The following THADA variants were observed in gnomAD, a reference collection of about 807,000 sequenced individuals.
THADA encodes THADA armadillo repeat containing, also known as tRNA (32-2'-O)-methyltransferase regulator THADA.
A neutral mutation model predicts 219.8 loss-of-function variants in THADA; 213 were observed. That is an observed-to-expected ratio of 0.97 (90% CI 0.87 to 1.09). THADA has a LOEUF of 1.09. Ranked by LOEUF, THADA falls within the 50% of genes least tolerant of loss-of-function variation. THADA has a pLI of 0.00. For synonymous variants in THADA, 1,018 were observed against 828.9 expected, an observed-to-expected ratio of 1.23 and a Z score of -3.92; for missense variants, 2,956 against 2,311.3, an observed-to-expected ratio of 1.28 and a Z score of -5.72.
chr2:43,288,486 A>C (rs1004676776), intron 34 of THADA, among the ~76,000 whole-genome samples: 15 of 152,238 alleles, frequency 9.9e-5, no homozygotes, highest in African/African-American at 3.6e-4. Flanking sequence ...TATTTTTTAG[A>C]AAACTAGATT....
chr2:43,236,661 C>T (rs896012366), intron 36 of THADA, among the ~76,000 whole-genome samples: 2 of 151,918 alleles, frequency 1.3e-5, no homozygotes, highest in South Asian at 4.1e-4. Context: ...CGTGTTGCTA[C>T]AAAAAATAAA....
At chr2:43,467,479 C>A (rs1033755566) in intron 26 of THADA, among the ~76,000 whole-genome samples, 10 of 152,088 alleles carry the variant, frequency 6.6e-5, no homozygotes, top group African/African-American at 2.4e-4. Flanking sequence ...GATGCTACTA[C>A]CATCATGAAC....
At chr2:43,585,315 G>A (rs1197247779) in intron 7 of THADA, among the ~76,000 whole-genome samples, 2 of 145,142 alleles carry the variant, frequency 1.4e-5, no homozygotes, top group African/African-American at 2.6e-5. Context: ...TTCAAGACTA[G>A]CCTGGGCATT....
intron 22 of THADA, among the ~76,000 whole-genome samples, chr2:43,524,002 G>T (rs924081875): frequency 6.6e-6 from 1 of 152,124 alleles, no homozygotes; most frequent in African/African-American, 2.4e-5. Flanking sequence ...TAAGATCACA[G>T]AAAGTAAACA....
chr2:43,300,803 T>C (rs1172536174), intron 31 of THADA, among the ~76,000 whole-genome samples: 1 of 152,226 alleles, frequency 6.6e-6, no homozygotes, highest in East Asian at 1.9e-4. Context: ...GGAAAAAATA[T>C]TCTGTTTGTG....
At chr2:43,588,902 C>T (rs1701271039) in intron 4 of THADA, among the ~76,000 whole-genome samples, 1 of 151,856 alleles carries the variant, frequency 6.6e-6, no homozygotes, top group African/African-American at 2.4e-5. Flanking sequence ...TTACTTTATA[C>T]CATGTAATAT....
Position 43,411,179 on chromosome 2 carries a change from T to C in THADA, c.4059-13040A>G, listed in dbSNP as rs186277152. Among the ~76,000 whole-genome samples, 272 of 152,334 alleles carry C rather than the reference T, an allele frequency of 1.8e-3. 1 individual carries two copies. Among genetic ancestry groups the C allele is most frequent in the African/African-American group, 6.2e-3 (257 of 41,580 alleles). On this transcript the variant is annotated intron_variant, in intron 28 of 37. Coordinates refer to ENST00000405975, the MANE Select transcript of THADA (RefSeq NM_022065.5). ...ATGTTCTAGACAGGCTCAGAGAAGT[T>C]AACTGACTTGCCCAGGCTCACAAAG...
intron 28 of THADA, among the ~76,000 whole-genome samples, chr2:43,420,314 C>T (rs115454725): frequency 6.6e-6 from 1 of 152,328 alleles, no homozygotes; most frequent in African/African-American, 2.4e-5. Flanking sequence ...ACCTTATTAG[C>T]TAGACGGTAA....
chr2:43,299,556 G>A (rs946679577), intron 31 of THADA, among the ~76,000 whole-genome samples: 1 of 152,080 alleles, frequency 6.6e-6, no homozygotes, highest in African/African-American at 2.4e-5. Flanking sequence ...CAGCTACTCA[G>A]GAGGCTGAGG....
At chr2:43,366,864 A>G (rs1390067299) in intron 29 of THADA, among the ~76,000 whole-genome samples, 1 of 152,236 alleles carries the variant, frequency 6.6e-6, no homozygotes, top group East Asian at 1.9e-4. Flanking sequence ...CATGTACAGC[A>G]GATTGTACAG....
intron 30 of THADA, among the ~76,000 whole-genome samples, chr2:43,335,099 T>A (rs919044426): frequency 2.0e-5 from 3 of 152,172 alleles, no homozygotes; most frequent in Non-Finnish European, 4.4e-5. Flanking sequence ...CTCTGTCCCC[T>A]GGGAGCTGGT....
chr2:43,572,227 G>C (rs922996844), intron 12 of THADA, among the ~76,000 whole-genome samples: 2 of 152,024 alleles, frequency 1.3e-5, no homozygotes, highest in Admixed American at 1.3e-4. Flanking sequence ...TCCCACTCTG[G>C]AAACTCACGT....
chr2:43,350,290 T>G (rs1420553894), intron 29 of THADA, among the ~76,000 whole-genome samples: 1 of 152,140 alleles, frequency 6.6e-6, no homozygotes, highest in African/African-American at 2.4e-5. Context: ...ATCTAAACTT[T>G]CTAATTCACA....
At chr2:43,480,830 A>T (rs917050697) in intron 26 of THADA, among the ~76,000 whole-genome samples, 1 of 151,862 alleles carries the variant, frequency 6.6e-6, no homozygotes, top group South Asian at 2.1e-4. Flanking sequence ...GGGGGAAAAA[A>T]AAAAAAAAGA....
At chr2:43,521,784 A>G (rs967680644) in intron 22 of THADA, among the ~76,000 whole-genome samples, 1 of 152,230 alleles carries the variant, frequency 6.6e-6, no homozygotes, top group East Asian at 1.9e-4. Flanking sequence ...TAAGATAAGA[A>G]TAAAACCCGC....
At chr2:43,508,523 A>G (rs1220966542) in intron 23 of THADA, 125 bp downstream of exon 23, 13 of 913,016 alleles carry the variant, frequency 1.4e-5, no homozygotes, top group Non-Finnish European at 2.0e-5. Flanking sequence ...CACAAATGCT[A>G]TGGTGCTGAA....
At chr2:43,540,668 A>G (rs539332188) in intron 21 of THADA, among the ~76,000 whole-genome samples, 1 of 152,330 alleles carries the variant, frequency 6.6e-6, no homozygotes, top group East Asian at 1.9e-4. Flanking sequence ...CACTCAAGTC[A>G]CTTGAACAGT....
chr2:43,526,246 G>A (rs1209490701), intron 22 of THADA, among the ~76,000 whole-genome samples: 1 of 152,064 alleles, frequency 6.6e-6, no homozygotes, highest in Admixed American at 6.6e-5. Flanking sequence ...ACAGATTACT[G>A]GTATTCCTCC....
At chr2:43,247,399 G>C (rs1669262122) in intron 36 of THADA, among the ~76,000 whole-genome samples, 4 of 152,170 alleles carry the variant, frequency 2.6e-5, no homozygotes, top group Admixed American at 2.6e-4. Context: ...AACTGGGCAT[G>C]AAAAGTCCTA....
Sources: gnomAD v4.1 joint callset for allele counts (sites outside exome capture counted in the v4.1 genomes callset) on GRCh38, gnomAD v4.1.1 for gene constraint, MANE v1.5 for transcripts, NCBI Gene and HGNC (gene_info 2026-07-23, HGNC 2026-07-21) for gene names.